The following MEOX2 variants were observed in gnomAD, a reference collection of about 807,000 sequenced individuals.
The protein encoded by MEOX2 is homeobox protein MOX-2.
A neutral mutation model predicts 27.0 loss-of-function variants in MEOX2; 11 were observed. The observed-to-expected ratio is 0.41, with a 90% CI of 0.26 to 0.68. The LOEUF (loss-of-function observed/expected upper bound fraction) is 0.68, where lower values mean the gene tolerates loss of function less well. Ranked by LOEUF, MEOX2 falls within the 30% of genes least tolerant of loss-of-function variation. The pLI is 0.33. For synonymous variants in MEOX2, 189 were observed against 155.4 expected (o/e 1.22, Z -1.61); for missense variants, 436 against 385.4 (o/e 1.13, Z -1.10).
intron 1 of MEOX2, among the ~76,000 whole-genome samples, chr7:15,673,718 C>T (rs1782147330): frequency 6.6e-6 from 1 of 151,694 alleles, no homozygotes; most frequent in Admixed American, 6.6e-5. Context: ...GACAGAAATC[C>T]ATTAAAATAT....
chr7:15,658,895 G>C (rs1481584904), intron 1 of MEOX2, among the ~76,000 whole-genome samples: 1 of 152,220 alleles, frequency 6.6e-6, no homozygotes, highest in East Asian at 1.9e-4. Context: ...AGTCTGTAAT[G>C]TTTTGTTACA....
At chr7:15,665,522 G>A (rs1781988744) in intron 1 of MEOX2, among the ~76,000 whole-genome samples, 1 of 152,100 alleles carries the variant, frequency 6.6e-6, no homozygotes, top group Non-Finnish European at 1.5e-5. Flanking sequence ...ATGTTAAGTT[G>A]AATTTTCAAA....
At chr7:15,671,497 A>G (rs762345205) in intron 1 of MEOX2, among the ~76,000 whole-genome samples, 1 of 152,186 alleles carries the variant, frequency 6.6e-6, no homozygotes, top group African/African-American at 2.4e-5. Context: ...CTTTTATTAG[A>G]CAGTTTACGT....
intron 1 of MEOX2, among the ~76,000 whole-genome samples, chr7:15,641,377 G>A (rs550553813): frequency 3.9e-5 from 6 of 151,994 alleles, no homozygotes; most frequent in African/African-American, 1.4e-4. Context: ...TTGTTTGTTT[G>A]TTTGTTTGTT....
chr7:15,673,687 C>T (rs1026093413), intron 1 of MEOX2, among the ~76,000 whole-genome samples: 6 of 150,202 alleles, frequency 4.0e-5, no homozygotes, highest in Non-Finnish European at 7.4e-5. Context: ...AAGGTTGTAC[C>T]GATTAAGATG....
intron 1 of MEOX2, among the ~76,000 whole-genome samples, chr7:15,663,653 T>C (rs1435077088): frequency 2.6e-5 from 4 of 152,136 alleles, no homozygotes; most frequent in African/African-American, 7.2e-5. Context: ...ATCTTTAATA[T>C]ATAAAAATGA....
chr7:15,669,723 C>A (rs1366813464), intron 1 of MEOX2, among the ~76,000 whole-genome samples: 1 of 152,198 alleles, frequency 6.6e-6, no homozygotes, highest in Non-Finnish European at 1.5e-5. Context: ...TTTTCTAATG[C>A]CAGGATGAAT....
intron 2 of MEOX2, among the ~76,000 whole-genome samples, chr7:15,622,843 G>A (rs1198972909): frequency 1.3e-5 from 2 of 152,086 alleles, no homozygotes; most frequent in Non-Finnish European, 2.9e-5. Context: ...ATGAGATTAG[G>A]TCGTAAGAAC....
At chr7:15,628,011 A>G (rs1781342658) in intron 1 of MEOX2, among the ~76,000 whole-genome samples, 1 of 152,118 alleles carries the variant, frequency 6.6e-6, no homozygotes, top group Admixed American at 6.6e-5. Flanking sequence ...AATACACTTA[A>G]CTCTTCTAGG....
At chr7:15,668,611 A>G (rs1782047398) in intron 1 of MEOX2, among the ~76,000 whole-genome samples, 1 of 152,072 alleles carries the variant, frequency 6.6e-6, no homozygotes, top group Non-Finnish European at 1.5e-5. Context: ...CTTCCTGAGT[A>G]GCTAGGATTA....
At position 15,686,285 on chromosome 7, in the gene MEOX2, C is replaced by T. The variant is rs760039633; in HGVS notation, c.118G>A (p.Glu40Lys). 3.1e-6 allele frequency: 5 copies of T among 1,612,054 alleles called. 1 individual carries two copies. The Admixed American group carries it at 8.4e-5, about 27-fold the overall frequency. ...HGRSDHMSYP[E>K]LSTSSSSCII... is the part of the protein sequence containing the mutation. ...CAAGATGAGGAAGAAGTAGAGAGCT[C>T]GGGGTAAGACATATGGTCAGATCTT... Residue 40 changes from glutamate to lysine, a missense_variant, in exon 1 of 3, where the codon GAG (glutamate) becomes AAG (lysine). Coordinates refer to ENST00000262041, the MANE Select transcript of MEOX2 (RefSeq NM_005924.5).
intron 1 of MEOX2, among the ~76,000 whole-genome samples, chr7:15,661,604 A>C (rs1183769747): frequency 6.6e-6 from 1 of 152,212 alleles, no homozygotes; most frequent in South Asian, 2.1e-4. Flanking sequence ...AAAAAATATG[A>C]TCAGCCATTT....
intron 1 of MEOX2, among the ~76,000 whole-genome samples, chr7:15,646,741 A>G (rs996590400): frequency 2.0e-5 from 3 of 151,994 alleles, no homozygotes; most frequent in Non-Finnish European, 2.9e-5. Flanking sequence ...CACTTAAAAA[A>G]TCACACTGAC....
At chr7:15,645,070 GT>G (rs1284611630) in intron 1 of MEOX2, among the ~76,000 whole-genome samples, 3 of 152,152 alleles carry the variant, frequency 2.0e-5, no homozygotes, top group African/African-American at 7.2e-5. Flanking sequence ...GAAGATTAAG[GT>G]AAGGAGGTAT....
At chr7:15,638,238 GAA>G (rs1446121017) in intron 1 of MEOX2, among the ~76,000 whole-genome samples, 1 of 152,218 alleles carries the variant, frequency 6.6e-6, no homozygotes, top group Middle Eastern at 3.4e-3. Context: ...AATAGGTTGT[GAA>G]AGTCTGTATG....
intron 1 of MEOX2, among the ~76,000 whole-genome samples, chr7:15,666,751 C>CAAAAAAAAAAAAA (rs61294753): frequency 4.8e-5 from 3 of 63,068 alleles, no homozygotes; most frequent in Non-Finnish European, 7.6e-5. Flanking sequence ...GACTCTGTCT[C>CAAAAAAAAAAAAA]AAAAAAAAAA....
At chr7:15,670,333 A>G (rs1039900611) in intron 1 of MEOX2, among the ~76,000 whole-genome samples, 5 of 152,116 alleles carry the variant, frequency 3.3e-5, no homozygotes, top group Non-Finnish European at 5.9e-5. Context: ...GTAAAATACT[A>G]CTCTTTACAT....
chr7:15,681,507 T>C (rs1206563914), intron 1 of MEOX2: 2 of 151,810 alleles, frequency 1.3e-5, no homozygotes, highest in African/African-American at 2.4e-5. Context: ...TCATTACATA[T>C]GGAATTCACC....
chr7:15,666,217 C>G (rs758390826), intron 1 of MEOX2, among the ~76,000 whole-genome samples: 10 of 152,184 alleles, frequency 6.6e-5, no homozygotes, highest in Non-Finnish European at 1.3e-4. Context: ...AATACAATGT[C>G]ATGCCTATAA....
Sources: allele counts gnomAD v4.1 joint callset (sites outside exome capture counted in the v4.1 genomes callset), GRCh38; gene constraint gnomAD v4.1.1; transcripts MANE v1.5; gene names NCBI Gene and HGNC (gene_info 2026-07-23, HGNC 2026-07-21).